Variants in PRKX observed in about 807,000 individuals in gnomAD.
PRKX encodes the protein protein kinase cAMP-dependent X-linked catalytic subunit.
PRKX carries 12 observed loss-of-function variants against 22.0 expected under a neutral mutation model. The ratio of observed to expected loss-of-function variants is 0.54; its 90% CI spans 0.35 to 0.88. PRKX has a LOEUF of 0.88. Among genes scored for constraint, PRKX ranks in the 40% least tolerant of loss-of-function variants. PRKX has a pLI of 0.01. For missense variants in PRKX, 217 were observed against 308.0 expected, an observed-to-expected ratio of 0.70 and a Z score of 2.21; for synonymous variants, 134 against 137.7, an observed-to-expected ratio of 0.97 and a Z score of 0.19.
At chrX:3,666,060 G>A (rs1370277226) in intron 2 of PRKX, among the ~76,000 whole-genome samples, 1 of 108,031 alleles carries the variant, frequency 9.3e-6, no homozygotes, top group African/African-American at 3.4e-5. Context: ...GCCCAGGATA[G>A]AGTGCAGCGA....
intron 1 of PRKX, among the ~76,000 whole-genome samples, chrX:3,697,266 C>T (rs12008459): frequency 0.4 from 43,915 of 109,370 alleles, 6,851 homozygotes; most frequent in African/African-American, 0.53. Context: ...CTCGGGAAGG[C>T]GCGGCACGAG....
chrX:3,697,721 T>TG (rs1264525224), intron 1 of PRKX, among the ~76,000 whole-genome samples: 8 of 108,801 alleles, frequency 7.4e-5, no homozygotes, highest in African/African-American at 2.7e-4. Context: ...CACTTTTTTG[T>TG]TTTTGTTTTT....
chrX:3,705,691 C>CTTTTTTTTTTTTTTT (rs1365283802), intron 1 of PRKX, among the ~76,000 whole-genome samples: 1 of 101,807 alleles, frequency 9.8e-6, no homozygotes, highest in African/African-American at 3.6e-5. Context: ...TTTTTCTTTT[C>CTTTTTTTTTTTTTTT]TTTTTTTTTT....
At chrX:3,646,322 G>A (rs1927187575) in intron 3 of PRKX, among the ~76,000 whole-genome samples, 1 of 111,285 alleles carries the variant, frequency 9.0e-6, no homozygotes, top group South Asian at 3.9e-4. Flanking sequence ...AGAGAGAAAC[G>A]GATGACATCT....
At chrX:3,609,298 T>C (rs1319821344) in intron 8 of PRKX, among the ~76,000 whole-genome samples, 2 of 110,655 alleles carry the variant, frequency 1.8e-5, no homozygotes, top group African/African-American at 6.6e-5. Flanking sequence ...GTAGCTGGGG[T>C]TACAGGTGCC....
At chrX:3,675,052 C>T (rs1420811235) in intron 1 of PRKX, among the ~76,000 whole-genome samples, 2 of 111,917 alleles carry the variant, frequency 1.8e-5, no homozygotes, top group African/African-American at 6.5e-5. Context: ...TGGGGACAAA[C>T]TGGCCATAAT....
chrX:3,713,372 C>G lies in PRKX; in HGVS notation c.-119G>C, dbSNP rs1383942537. ...GGCATCAACAGAGGCTCCCCATGCG[C>G]GCTCTCGCCTCCTGGTGCGCGGTCC... On this transcript the variant is annotated 5_prime_UTR_variant, in exon 1 of 9. Transcript: ENST00000262848. The G allele has an allele frequency of 1.2e-5, 7 of 603,808 alleles. No homozygotes were observed. The highest frequency in any genetic ancestry group is 1.2e-4 in the Admixed American group (2 of 16,232). 49.8% of individuals were successfully genotyped at this position (603,808 alleles called of 1,213,427 possible). A position where few individuals can be genotyped will look rare whatever the true frequency, so the allele number is the denominator to read the frequency against.
chrX:3,699,976 A>C (rs1928524214), intron 1 of PRKX, among the ~76,000 whole-genome samples: 1 of 111,171 alleles, frequency 9.0e-6, no homozygotes, highest in African/African-American at 3.3e-5. Flanking sequence ...TGTTGATTAC[A>C]CAGAGGAGGA....
At chrX:3,619,318 G>A (rs1603473104) in intron 6 of PRKX, among the ~76,000 whole-genome samples, 1 of 111,157 alleles carries the variant, frequency 9.0e-6, no homozygotes, top group African/African-American at 3.3e-5. Context: ...GCTGGGAGAG[G>A]CAGGAAGGAT....
chrX:3,660,121 T>C (rs1927565535), intron 2 of PRKX, among the ~76,000 whole-genome samples: 1 of 112,176 alleles, frequency 8.9e-6, no homozygotes, highest in African/African-American at 3.2e-5. Context: ...AAACTGTACT[T>C]TTGTGGATGA....
Position 3,612,170 on chromosome X carries a change from G to GAT in PRKX, c.*23+5_*23+6dup. The GAT allele has an allele frequency of 8.4e-7, 1 of 1,196,151 alleles. No individual in the cohort carries two copies. Among genetic ancestry groups the GAT allele is most frequent in the South Asian group, 1.8e-5 (1 of 54,494 alleles). On this transcript the variant is annotated splice_region_variant and intron_variant, in intron 8 of 8. Transcript: ENST00000262848. ...TTTTTTGGGAATTACTAAATATAAA[G>GAT]ATATACCTTCCAGATGTGAGCTCCT...
chrX:3,633,667 C>T (rs1484719407), intron 4 of PRKX, among the ~76,000 whole-genome samples: 1 of 111,676 alleles, frequency 9.0e-6, no homozygotes, highest in East Asian at 2.8e-4. Context: ...TTACATCTTC[C>T]AGTAAAGTGG....
intron 1 of PRKX, among the ~76,000 whole-genome samples, chrX:3,691,976 G>A (rs754866509): frequency 9.1e-6 from 1 of 109,331 alleles, no homozygotes; most frequent in South Asian, 4.1e-4. Context: ...GGATGGGTAG[G>A]TGGGTAGGTA....
chrX:3,692,930 AT>A (rs1928364056), intron 1 of PRKX, among the ~76,000 whole-genome samples: 1 of 111,626 alleles, frequency 9.0e-6, no homozygotes, highest in African/African-American at 3.3e-5. Flanking sequence ...CTAACACTCC[AT>A]AACCACAATG....
intron 1 of PRKX, among the ~76,000 whole-genome samples, chrX:3,710,109 C>T (rs1173988369): frequency 9.1e-6 from 1 of 110,048 alleles, no homozygotes; most frequent in African/African-American, 3.3e-5. Flanking sequence ...TTTTTTAAAG[C>T]ACAATTGTTC....
intron 1 of PRKX, among the ~76,000 whole-genome samples, chrX:3,679,277 C>CA (rs1264820621): frequency 2.7e-5 from 3 of 111,163 alleles, no homozygotes; most frequent in Non-Finnish European, 5.7e-5. Flanking sequence ...ATGAAGTACT[C>CA]AGTGTTTAGA....
chrX:3,674,110 T>C (rs1927900484), intron 2 of PRKX, among the ~76,000 whole-genome samples: 1 of 111,177 alleles, frequency 9.0e-6, no homozygotes, highest in South Asian at 3.9e-4. Context: ...CATAAGACTG[T>C]TGTGTACCAT....
intron 7 of PRKX, among the ~76,000 whole-genome samples, chrX:3,615,011 A>ATTTTTTTTTTTTT (rs761643511): frequency 3.3e-5 from 2 of 59,762 alleles, no homozygotes; most frequent in African/African-American, 7.6e-5. Flanking sequence ...AAAATGCCAG[A>ATTTTTTTTTTTTT]TTTTTTTTTT....
At position 3,639,789 on chromosome X, in the gene PRKX, T is replaced by G. The variant is rs764420485; in HGVS notation, c.719+2063A>C. Among the ~76,000 whole-genome samples, 4 of 110,920 alleles carry G rather than the reference T, an allele frequency of 3.6e-5. No individual in the cohort carries two copies. In the South Asian group the frequency reaches 1.2e-3, roughly 33 times the overall value. On this transcript the variant is annotated intron_variant, in intron 4 of 8. Transcript: ENST00000262848. ...CATCGTTCTGATCCCTAAGCTAGTG[T>G]GGGAATTAACGGATTCACTTTCTTT...
Sources: gnomAD v4.1 joint callset for allele counts (sites outside exome capture counted in the v4.1 genomes callset) on GRCh38, gnomAD v4.1.1 for gene constraint, MANE v1.5 for transcripts, NCBI Gene and HGNC (gene_info 2026-07-23, HGNC 2026-07-21) for gene names.